SFMBT2: variants seen among roughly 807,000 people sequenced by gnomAD.
SFMBT2 encodes scm-like with four MBT domains protein 2.
A neutral mutation model predicts 110.1 loss-of-function variants in SFMBT2; 38 were observed. The ratio of observed to expected loss-of-function variants is 0.35; its 90% CI spans 0.27 to 0.45. SFMBT2 has a LOEUF of 0.45. SFMBT2 is among the 20% of genes least tolerant of loss of function. The pLI, the probability that SFMBT2 is intolerant of heterozygous loss-of-function variation, is 1.00. For missense variants in SFMBT2, 1,011 were observed against 1,094.9 expected, an observed-to-expected ratio of 0.92 and a Z score of 1.08; for synonymous variants, 425 against 425.4, an observed-to-expected ratio of 1.00 and a Z score of 0.01.
rs1197160058 is a variant in SFMBT2 at position 7,248,554 on chromosome 10, C to T, written c.966G>A (p.Val322=). 6.2e-7 allele frequency: 1 copy of T among 1,614,042 alleles called. No individual in the cohort carries two copies. Among genetic ancestry groups the T allele is most frequent in the Non-Finnish European group, 8.5e-7 (1 of 1,179,932 alleles). Residue 322 remains valine (V), a synonymous_variant, in exon 8 of 21, where the codon GTG becomes GTA. Transcript: ENST00000397167. ...GCGAGGGAGGAAAACCCACCTTAGT[C>T]ACCGACGCAGGAGAGATGTAAAAGG... ...CEPFYISPAS[V]TKVFNNHFFQ... is the part of the protein sequence containing the mutation.
chr10:7,164,258 A>C (rs1321403477), intron 20 of SFMBT2: 1 of 613,736 alleles, frequency 1.6e-6, no homozygotes, highest in East Asian at 1.4e-4. Flanking sequence ...ATGGTGGTGC[A>C]AACCTGTGAT....
chr10:7,215,527 C>T, intron 11 of SFMBT2: 7 of 985,060 alleles, frequency 7.1e-6, no homozygotes, highest in Non-Finnish European at 8.4e-6. Flanking sequence ...TTTTATCCAA[C>T]ACTGTACATG....
At chr10:7,379,964 T>C (rs1845377399) in intron 2 of SFMBT2, among the ~76,000 whole-genome samples, 1 of 150,996 alleles carries the variant, frequency 6.6e-6, no homozygotes, top group African/African-American at 2.4e-5. Flanking sequence ...TGCAACCGTG[T>C]GCACATGAAA....
At position 7,382,545 on chromosome 10, in the gene SFMBT2, C is replaced by T. The variant is rs149580378; in HGVS notation, c.-51-596G>A. Among the ~76,000 whole-genome samples the T allele has an allele frequency of 9.8e-4, 149 of 152,306 alleles. 1 individual carries two copies. The highest frequency in any genetic ancestry group is 2.3e-3 in the African/African-American group (94 of 41,570). ...ACCACTAAGATGGACACATATTTCA[C>T]GAACAGAAACTTGCATTTCAGTCCT... On this transcript the variant is annotated intron_variant, in intron 1 of 20. Coordinates refer to ENST00000397167, the MANE Select transcript of SFMBT2 (RefSeq NM_001387889.1).
rs551254034 is a variant in SFMBT2 at position 7,267,810 on chromosome 10, A to T, written c.870+9082T>A. Among the ~76,000 whole-genome samples, 68 of 152,370 alleles carry T rather than the reference A, an allele frequency of 4.5e-4. No homozygotes were observed. The South Asian group carries it at 0.013, about 30-fold the overall frequency. On this transcript the variant is annotated intron_variant, in intron 7 of 20. Transcript: ENST00000397167. ...ATTTCCCTTCTTTAAAGGATAAAAA[A>T]AGGATCATAGATGTTAGTGACATTT...
chr10:7,206,168 G>A (rs530587247), intron 11 of SFMBT2: 74 of 985,356 alleles, frequency 7.5e-5, no homozygotes, highest in African/African-American at 1.0e-4. Flanking sequence ...CAGAGAAAAC[G>A]AAGGTTTGGA....
intron 11 of SFMBT2, chr10:7,215,872 T>A: frequency 3.5e-6 from 1 of 288,064 alleles, no homozygotes; most frequent in Non-Finnish European, 5.2e-6. Context: ...TGGGATTGTC[T>A]GTTCATCCCA....
In SFMBT2 at chr10:7,159,843, A is replaced by AAG. The variant is rs1837505134; in HGVS notation, c.*3925_*3926dup. On this transcript the variant is annotated 3_prime_UTR_variant, in exon 21 of 21. Transcript: ENST00000397167. Reference sequence around the variant, plus strand: ...GAAAACCCCTAGTACTTCTAAAACTAAGCGGGGACAGCTCTTAGAAAGGGG... The same window carrying AAG: ...GAAAACCCCTAGTACTTCTAAAACTAAGAGCGGGGACAGCTCTTAGAAAGGGG... 3.3e-5 allele frequency: 5 copies of AAG among 152,218 alleles called. No individual in the cohort carries two copies. Among genetic ancestry groups the AAG allele is most frequent in the Admixed American group, 1.3e-4 (2 of 15,290 alleles). The allele number at this position is 152,218 out of a possible 1,614,324, so 9.4% of individuals were successfully genotyped here. A position where few individuals can be genotyped will look rare whatever the true frequency, so the allele number is the denominator to read the frequency against.
At chr10:7,212,890 C>CT (rs1231988228) in intron 11 of SFMBT2, among the ~76,000 whole-genome samples, 1 of 152,180 alleles carries the variant, frequency 6.6e-6, no homozygotes, top group African/African-American at 2.4e-5. Context: ...CCATGGAATA[C>CT]TATGCAGCCA....
intron 1 of SFMBT2, among the ~76,000 whole-genome samples, chr10:7,409,740 G>A (rs1358864982): frequency 6.6e-6 from 1 of 151,920 alleles, no homozygotes; most frequent in Non-Finnish European, 1.5e-5. Context: ...ACTAAGGGGT[G>A]GAAACTTCAG....
At chr10:7,295,710 GT>G (rs1408637187) in intron 4 of SFMBT2, among the ~76,000 whole-genome samples, 3 of 152,188 alleles carry the variant, frequency 2.0e-5, no homozygotes, top group African/African-American at 7.2e-5. Context: ...TTCAGCATGT[GT>G]AACCTAGAAA....
chr10:7,207,062 C>T (rs146604462), intron 11 of SFMBT2: 1 of 240,348 alleles, frequency 4.2e-6, no homozygotes, highest in African/African-American at 2.3e-5. Flanking sequence ...CTCATCTCTA[C>T]AAAAAATACA....
At chr10:7,273,127 C>T (rs10905141) in intron 7 of SFMBT2, among the ~76,000 whole-genome samples, 82,284 of 152,012 alleles carry the variant, frequency 0.54, 22,757 homozygotes, top group East Asian at 0.8. Flanking sequence ...CAAATGATAG[C>T]TCACCTAAAA....
chr10:7,198,638 G>C (rs1309171963), intron 14 of SFMBT2, among the ~76,000 whole-genome samples: 1 of 152,226 alleles, frequency 6.6e-6, no homozygotes, highest in Non-Finnish European at 1.5e-5. Context: ...GCTTAAGTGT[G>C]CATTACCTGT....
intron 20 of SFMBT2, among the ~76,000 whole-genome samples, chr10:7,169,113 C>T (rs555886675): frequency 6.6e-6 from 1 of 152,144 alleles, no homozygotes; most frequent in Non-Finnish European, 1.5e-5. Flanking sequence ...CAGGCACCCA[C>T]CACCACGCCC....
chr10:7,172,973 G>A lies in SFMBT2; in HGVS notation c.1985-312C>T, dbSNP rs1309940605. ...CCTAATCCAATAGGACATTAATGAG[G>A]TCCTAAGAGTGTCCAGGAGAGACAC... On this transcript the variant is annotated intron_variant, in intron 17 of 20. Coordinates refer to ENST00000397167, the MANE Select transcript of SFMBT2 (RefSeq NM_001387889.1). This position sits in a 1 kb window ranked among gnomAD's most constrained non-coding sequence, Gnocchi z 4.6. Among the ~76,000 whole-genome samples the A allele has an allele frequency of 6.6e-6, 1 of 152,098 alleles. No individual in the cohort carries two copies. The highest frequency in any genetic ancestry group is 6.5e-5 in the Admixed American group (1 of 15,270).
intron 2 of SFMBT2, among the ~76,000 whole-genome samples, chr10:7,380,449 A>G (rs933638033): frequency 2.0e-5 from 3 of 152,238 alleles, no homozygotes; most frequent in South Asian, 2.1e-4. Context: ...AATAAATTCA[A>G]TGATATGGAG....
At chr10:7,228,793 TCTCTC>T in intron 9 of SFMBT2, among the ~76,000 whole-genome samples, 2 of 94,560 alleles carry the variant, frequency 2.1e-5, no homozygotes, top group Non-Finnish European at 2.9e-5. Flanking sequence ...CCCCTCCCTC[TCTCTC>T]TCTCTTTCTT....
intron 4 of SFMBT2, among the ~76,000 whole-genome samples, chr10:7,314,948 A>T (rs1842944747): frequency 6.6e-6 from 1 of 150,980 alleles, no homozygotes; most frequent in African/African-American, 2.4e-5. Flanking sequence ...AGAAAGAGAA[A>T]GAGAGAAAGA....
Sources: allele counts gnomAD v4.1 joint callset (sites outside exome capture counted in the v4.1 genomes callset), GRCh38; gene constraint gnomAD v4.1.1; non-coding constraint Gnocchi (gnomAD v3.1); transcripts MANE v1.5; gene names NCBI Gene and HGNC (gene_info 2026-07-23, HGNC 2026-07-21).